Variants in EIF3L observed in about 807,000 individuals in gnomAD.
EIF3L encodes eukaryotic translation initiation factor 3 subunit L.
EIF3L carries 32 observed loss-of-function variants against 74.6 expected under a neutral mutation model. The ratio of observed to expected loss-of-function variants is 0.43; its 90% CI spans 0.32 to 0.58. EIF3L has a LOEUF of 0.58. EIF3L is among the 20% of genes least tolerant of loss of function. The pLI is 0.06. For missense variants in EIF3L, 474 were observed against 707.8 expected, an observed-to-expected ratio of 0.67 and a Z score of 3.75; for synonymous variants, 256 against 254.4, an observed-to-expected ratio of 1.01 and a Z score of -0.06.
intron 5 of EIF3L, 80 bp from the exon 6 acceptor site, chr22:37,862,888 TC>T: frequency 2.0e-6 from 2 of 992,546 alleles, no homozygotes; most frequent in Non-Finnish European, 3.1e-6. Context: ...TTGTATTTGT[TC>T]ACAGCTGTCA....
chr22:37,865,437 C>G (rs991644527), intron 7 of EIF3L, among the ~76,000 whole-genome samples: 18 of 150,874 alleles, frequency 1.2e-4, no homozygotes, highest in African/African-American at 4.4e-4. Flanking sequence ...TCCAGCCTGG[C>G]GACAGAGTGA....
chr22:37,858,844 T>C lies in EIF3L; in HGVS notation c.435+104T>C. ...CATTTGTTTATATTGGTTCAGTGTC[T>C]GGGCATGATTGGCATGTTTTTGAGT... On this transcript the variant is annotated intron_variant, in intron 5 of 12. Transcript: ENST00000652021. 5 of 1,007,908 alleles carry C rather than the reference T, an allele frequency of 5.0e-6. No homozygotes were observed. The South Asian group carries it at 7.7e-5, about 15-fold the overall frequency. The allele number at this position is 1,007,908 out of a possible 1,614,324, so 62.4% of individuals were successfully genotyped here.
At chr22:37,856,081 G>A (rs1012414081) in intron 4 of EIF3L, among the ~76,000 whole-genome samples, 4 of 151,228 alleles carry the variant, frequency 2.6e-5, no homozygotes, top group Non-Finnish European at 5.9e-5. Context: ...TTTTTGAGAT[G>A]GAGTCTCGTT....
At chr22:37,888,185 T>G (rs936690224) in intron 12 of EIF3L, 1 of 443,160 alleles carries the variant, frequency 2.3e-6, no homozygotes, top group Admixed American at 4.1e-5. Flanking sequence ...GTCAGATGGA[T>G]AGAGCAGTGT....
chr22:37,870,070 C>A, intron 7 of EIF3L, 106 bp from the exon 8 acceptor site: 1 of 982,656 alleles, frequency 1.0e-6, no homozygotes, highest in Non-Finnish European at 1.5e-6. Context: ...TCACCCTCAC[C>A]TTGCCCCATC....
At chr22:37,853,124 G>T (rs965560391) in intron 3 of EIF3L, among the ~76,000 whole-genome samples, 1 of 152,120 alleles carries the variant, frequency 6.6e-6, no homozygotes, top group African/African-American at 2.4e-5. Flanking sequence ...TGATGAGTCC[G>T]TATCTGTACA....
chr22:37,877,786 A>G lies in EIF3L; in HGVS notation c.1190A>G (p.Lys397Arg). The change falls in exon 11 of 13, where the codon AAG becomes AGG. Residue 397 changes from lysine to arginine, a missense_variant. By Grantham distance (26) the Lys-to-Arg change is conservative (BLOSUM62 2). Around this residue, in one of 4 missense-constraint regions of EIF3L, gnomAD observed 293 missense variants for 469.1 expected, o/e 0.62. Coordinates refer to ENST00000652021, the MANE Select transcript of EIF3L (RefSeq NM_016091.4). ...CAGCTGCGGGAGAAATATGGGGACA[A>G]GATGTTGCGCATGCAGAAAGGTGAC... ...HLQLREKYGD[K>R]MLRMQKGDPQ... The G allele has an allele frequency of 1.2e-6, 2 of 1,613,892 alleles. No homozygotes were observed. Among genetic ancestry groups the G allele is most frequent in the East Asian group, 2.2e-5 (1 of 44,874 alleles).
intron 5 of EIF3L, among the ~76,000 whole-genome samples, chr22:37,862,422 G>A (rs929105): frequency 0.66 from 100,677 of 152,026 alleles, 34,199 homozygotes; most frequent in East Asian, 0.86. Context: ...GTTTCTGTCA[G>A]ATCTGTTCAG....
At chr22:37,882,316 G>A (rs1171316457) in intron 11 of EIF3L, 1 of 151,780 alleles carries the variant, frequency 6.6e-6, no homozygotes, top group Non-Finnish European at 1.5e-5. Context: ...TTGAAAAAAA[G>A]AGAAAAAGCA....
intron 4 of EIF3L, among the ~76,000 whole-genome samples, chr22:37,858,130 C>CAT (rs1925634615): frequency 6.6e-6 from 1 of 150,662 alleles, no homozygotes; most frequent in Middle Eastern, 3.2e-3. Context: ...GAGCCATGAT[C>CAT]ATATCACTGC....
chr22:37,871,526 T>C (rs1322726124), intron 8 of EIF3L, among the ~76,000 whole-genome samples: 1 of 152,170 alleles, frequency 6.6e-6, no homozygotes, highest in Non-Finnish European at 1.5e-5. Context: ...ATAAGACATA[T>C]ATGAAAAATA....
In EIF3L at chr22:37,889,129, A is replaced by G. The variant is rs1310661224; in HGVS notation, c.*665A>G. On this transcript the variant is annotated 3_prime_UTR_variant, in exon 13 of 13. Transcript: ENST00000652021. ...TACTGGCGCGATCTCGGCTCACTGC[A>G]AGCTCCACCTCCCAGGTTCCTGCCA... The G allele has an allele frequency of 1.3e-5, 2 of 151,660 alleles. No individual in the cohort carries two copies. The highest frequency in any genetic ancestry group is 4.9e-5 in the African/African-American group (2 of 41,210). 9.4% of individuals were successfully genotyped at this position (151,660 alleles called of 1,614,324 possible).
intron 4 of EIF3L, among the ~76,000 whole-genome samples, 198 bp downstream of exon 4, chr22:37,855,842 T>G (rs1016494505): frequency 6.6e-6 from 1 of 152,134 alleles, no homozygotes; most frequent in Non-Finnish European, 1.5e-5. Flanking sequence ...TCATATATGG[T>G]GAAATTTAGA....
chr22:37,886,831 C>T lies in EIF3L; in HGVS notation c.1642C>T (p.His548Tyr). ...TGGGGATTTCTTCATCCGTCAGATC[C>T]ACAAATTTGAGGAGGTGAGAGATCT... is the stretch of plus-strand genomic sequence containing the variant. ...RYGDFFIRQI[H>Y]KFEELNRTLK... The change falls in exon 12 of 13, where the codon CAC becomes TAC. Residue 548 changes from histidine (H) to tyrosine (Y), a missense_variant. Around this residue, in one of 4 missense-constraint regions of EIF3L, gnomAD observed 293 missense variants for 469.1 expected, o/e 0.62. Transcript: ENST00000652021. 1 of 1,610,420 alleles carries T rather than the reference C, an allele frequency of 6.2e-7. No individual in the cohort carries two copies. Among genetic ancestry groups the T allele is most frequent in the Non-Finnish European group, 8.5e-7 (1 of 1,177,528 alleles).
At chr22:37,888,267 A>G in intron 12 of EIF3L, 159 bp from the exon 13 acceptor site, 1 of 677,168 alleles carries the variant, frequency 1.5e-6, no homozygotes, top group Non-Finnish European at 2.6e-6. Flanking sequence ...GGCCATATGA[A>G]TGTCACGGCT....
rs989303246 is a variant in EIF3L at position 37,863,322 on chromosome 22, A to G, written c.556A>G (p.Ile186Val). Residue 186 changes from isoleucine (I) to valine (V), a missense_variant, in exon 7 of 13, where the codon ATT becomes GTT. Transcript: ENST00000652021. Reference sequence around the variant, plus strand: ...ACTACCCAACCAGTGGCTCTGGGATATTATCGATGAGTTCATCTACCAGGT... The same window carrying G: ...ACTACCCAACCAGTGGCTCTGGGATGTTATCGATGAGTTCATCTACCAGGT... The part of the protein sequence containing the change: ...LELPNQWLWD[I>V]IDEFIYQFQS... The G allele has an allele frequency of 4.3e-6, 7 of 1,613,968 alleles. No homozygotes were observed. Among genetic ancestry groups the G allele is most frequent in the South Asian group, 2.2e-5 (2 of 91,052 alleles).
At chr22:37,868,411 G>A (rs1255485437) in intron 7 of EIF3L, among the ~76,000 whole-genome samples, 2 of 150,304 alleles carry the variant, frequency 1.3e-5, no homozygotes, top group Admixed American at 6.7e-5. Flanking sequence ...AGGTGTAAGC[G>A]CCACCGCACC....
rs1157035158 is a variant in EIF3L at position 37,878,948 on chromosome 22, T to G, written c.1575+777T>G. 7 of 144,332 alleles carry G rather than the reference T, an allele frequency of 4.8e-5. No individual in the cohort carries two copies. The East Asian group carries it at 8.0e-4, about 16-fold the overall frequency. The allele number at this position is 144,332 out of a possible 1,614,324, so 8.9% of individuals were successfully genotyped here. ...GGAGGTGAGGGAGTAGTGTTTTGGT[T>G]TTTTTTTTTTTTTTTTTGACAGTCT... On this transcript the variant is annotated intron_variant, in intron 11 of 12. Coordinates refer to ENST00000652021, the MANE Select transcript of EIF3L (RefSeq NM_016091.4).
chr22:37,863,940 C>G (rs1926004061), intron 7 of EIF3L, among the ~76,000 whole-genome samples: 1 of 152,020 alleles, frequency 6.6e-6, no homozygotes, highest in African/African-American at 2.4e-5. Context: ...TGGCAGGCGC[C>G]TGTAGTCCCA....
Sources: gnomAD v4.1 joint callset for allele counts (sites outside exome capture counted in the v4.1 genomes callset) on GRCh38, gnomAD v4.1.1 for gene constraint, gnomAD v4.1.1 regional missense constraint, MANE v1.5 for transcripts, NCBI Gene and HGNC (gene_info 2026-07-23, HGNC 2026-07-21) for gene names.